Variants in P4HA3 observed in about 807,000 individuals in gnomAD.
P4HA3 encodes prolyl 4-hydroxylase subunit alpha-3.
P4HA3 carries 60 observed loss-of-function variants against 66.7 expected under a neutral mutation model. The ratio of observed to expected loss-of-function variants is 0.90; its 90% CI spans 0.73 to 1.12. The LOEUF is 1.12. Ranked by LOEUF, P4HA3 falls within the 50% of genes most tolerant of loss-of-function variation. The pLI is 0.00. For missense variants in P4HA3, 683 were observed against 685.8 expected (o/e 1.00, Z 0.05); for synonymous variants, 263 against 274.6 (o/e 0.96, Z 0.42).
rs1565402767 is a variant in P4HA3 at position 74,267,052 on chromosome 11, T to C, written c.*196A>G. 2 of 1,536,490 alleles carry C rather than the reference T, an allele frequency of 1.3e-6. No individual in the cohort carries two copies. The highest frequency in any genetic ancestry group is 1.7e-6 in the Non-Finnish European group (2 of 1,146,652). On this transcript the variant is annotated 3_prime_UTR_variant, in exon 13 of 13. Coordinates refer to ENST00000331597, the MANE Select transcript of P4HA3 (RefSeq NM_182904.5). ...TGCATCCTACTCTGACTTCCGTGGC[T>C]GGGGCAGATCAAATGTACATTCTCA...
At chr11:74,284,216 T>C (rs2134759776) in intron 7 of P4HA3, among the ~76,000 whole-genome samples, 1 of 152,334 alleles carries the variant, frequency 6.6e-6, no homozygotes, top group South Asian at 2.1e-4. Flanking sequence ...AGGGGGAGGA[T>C]TAAATGTCCT....
chr11:74,285,629 T>C (rs578057), intron 7 of P4HA3, 180 bp downstream of exon 7: 344,605 of 607,322 alleles, frequency 0.57, 101,380 homozygotes, highest in African/African-American at 0.87. Flanking sequence ...CCTTTCCCTC[T>C]AGAGGCAAGC....
intron 2 of P4HA3, 46 bp from the exon 3 acceptor site, chr11:74,302,638 G>A (rs1327009393): frequency 2.6e-6 from 4 of 1,543,330 alleles, no homozygotes; most frequent in Admixed American, 1.9e-5. Flanking sequence ...AGAAACAGGA[G>A]TTGGGCATTT....
chr11:74,304,260 T>C lies in P4HA3; in HGVS notation c.343+10A>G. 6.2e-7 allele frequency: 1 copy of C among 1,613,528 alleles called. No homozygotes were observed. The highest frequency in any genetic ancestry group is 1.1e-5 in the South Asian group (1 of 91,026). On this transcript the variant is annotated intron_variant, in intron 2 of 12. Coordinates refer to ENST00000331597, the MANE Select transcript of P4HA3 (RefSeq NM_182904.5). ...CTTCTCTCTTACCCTCCAGCCCTCCTCCTCATTACCTCGGATGTTCTCACT... is the reference window on the plus strand; with the variant it reads ...CTTCTCTCTTACCCTCCAGCCCTCCCCCTCATTACCTCGGATGTTCTCACT...
At chr11:74,298,412 A>C (rs1356272235) in intron 3 of P4HA3, 51 bp from the exon 4 acceptor site, 1 of 1,566,064 alleles carries the variant, frequency 6.4e-7, no homozygotes, top group African/African-American at 1.4e-5. Context: ...CAGGTAGAAA[A>C]AGAAAATGAC....
chr11:74,310,593 A>T (rs2134843636), intron 1 of P4HA3, among the ~76,000 whole-genome samples: 1 of 152,348 alleles, frequency 6.6e-6, no homozygotes, highest in East Asian at 1.9e-4. Flanking sequence ...TACAGACCCA[A>T]ACTCCTCGAG....
chr11:74,254,039 A>C (rs1407927725), intron 15 of P4HA3: 1 of 155,456 alleles, frequency 6.4e-6, no homozygotes, highest in Admixed American at 6.4e-5. Context: ...CAGAGAGGCC[A>C]AGATCCCATC....
At chr11:74,291,595 C>T (rs1325780215) in intron 4 of P4HA3, among the ~76,000 whole-genome samples, 1 of 152,124 alleles carries the variant, frequency 6.6e-6, no homozygotes, top group African/African-American at 2.4e-5. Context: ...TCATAGACAG[C>T]TCTTATTATT....
rs571195094 is a variant in P4HA3 at position 74,305,468 on chromosome 11, C to T, written c.201-1056G>A. On this transcript the variant is annotated intron_variant, in intron 1 of 12. Coordinates refer to ENST00000331597, the MANE Select transcript of P4HA3 (RefSeq NM_182904.5). ...ACAAAGCCACACTGTTAGTAAAGGGCAAAGCCAGGATGGAACCCAAGTCTG... is the reference window on the plus strand; with the variant it reads ...ACAAAGCCACACTGTTAGTAAAGGGTAAAGCCAGGATGGAACCCAAGTCTG... Among the ~76,000 whole-genome samples, 5 of 152,156 alleles carry T rather than the reference C, an allele frequency of 3.3e-5. No homozygotes were observed. In the East Asian group the frequency reaches 9.7e-4, roughly 29 times the overall value.
At chr11:74,250,968 C>G (rs754128911) in intron 15 of P4HA3, 2 of 1,601,178 alleles carry the variant, frequency 1.2e-6, no homozygotes, top group Non-Finnish European at 8.5e-7. Context: ...GTTCCAGATG[C>G]AGGTCCTACC....
chr11:74,301,760 G>A (rs571447629), intron 3 of P4HA3, among the ~76,000 whole-genome samples: 1 of 152,254 alleles, frequency 6.6e-6, no homozygotes, highest in South Asian at 2.1e-4. Flanking sequence ...ATGGGGGGCG[G>A]GGGTGTTCCT....
intron 7 of P4HA3, among the ~76,000 whole-genome samples, chr11:74,283,115 A>G (rs1860665377): frequency 6.6e-6 from 1 of 152,188 alleles, no homozygotes; most frequent in African/African-American, 2.4e-5. Flanking sequence ...CTACCATGTC[A>G]GTCCAGGGCT....
At chr11:74,281,099 T>C (rs1860576966) in intron 7 of P4HA3, among the ~76,000 whole-genome samples, 1 of 152,214 alleles carries the variant, frequency 6.6e-6, no homozygotes, top group Admixed American at 6.5e-5. Flanking sequence ...AAGACATTTA[T>C]GCAGCCAAAA....
At chr11:74,282,634 G>A (rs1354535554) in intron 7 of P4HA3, among the ~76,000 whole-genome samples, 1 of 151,906 alleles carries the variant, frequency 6.6e-6, no homozygotes, top group East Asian at 1.9e-4. Flanking sequence ...GCAAGGGCTT[G>A]AGTGGTCAGA....
chr11:74,298,421 A>G, intron 3 of P4HA3, 60 bp from the exon 4 acceptor site: 1 of 1,557,022 alleles, frequency 6.4e-7, no homozygotes, highest in African/African-American at 1.4e-5. Context: ...AAAGAAAATG[A>G]CAATTCAAAG....
chr11:74,310,297 C>A (rs1351886373), intron 1 of P4HA3, among the ~76,000 whole-genome samples: 1 of 152,212 alleles, frequency 6.6e-6, no homozygotes, highest in Non-Finnish European at 1.5e-5. Context: ...GGTGCCTCAG[C>A]ATCCCAAGTC....
intron 4 of P4HA3, 46 bp from the exon 5 acceptor site, chr11:74,289,176 G>T: frequency 7.0e-7 from 1 of 1,420,782 alleles, no homozygotes; most frequent in Non-Finnish European, 9.5e-7. Context: ...CTTCACTGAG[G>T]ATATCTCTTC....
rs544926506 is a variant in P4HA3 at position 74,272,290 on chromosome 11, C to T, written c.1398+1255G>A. ...TGGGCTCTTATACCCACGCTACCTT[C>T]GCTATAGTAACTGGGGCCCTGTAAC... On this transcript the variant is annotated intron_variant, in intron 10 of 12. Coordinates refer to ENST00000331597, the MANE Select transcript of P4HA3 (RefSeq NM_182904.5). 5.2e-4 allele frequency among the ~76,000 whole-genome samples: 79 copies of T among 152,210 alleles called. No homozygotes were observed. The Middle Eastern group carries it at 0.024, about 46-fold the overall frequency.
intron 3 of P4HA3, among the ~76,000 whole-genome samples, chr11:74,300,514 G>T (rs999756660): frequency 1.3e-5 from 2 of 152,294 alleles, no homozygotes; most frequent in Non-Finnish European, 2.9e-5. Context: ...AGCTACTCGG[G>T]AGGCTGAGGT....
Sources: gnomAD v4.1 joint callset for allele counts (sites outside exome capture counted in the v4.1 genomes callset) on GRCh38, gnomAD v4.1.1 for gene constraint, MANE v1.5 for transcripts, NCBI Gene and HGNC (gene_info 2026-07-23, HGNC 2026-07-21) for gene names.